OSTM1: variants seen among roughly 807,000 people sequenced by gnomAD.
OSTM1 encodes the protein osteoclastogenesis associated transmembrane protein 1, also known as osteopetrosis-associated transmembrane protein 1.
OSTM1 carries 26 observed loss-of-function variants against 35.4 expected under a neutral mutation model. The observed-to-expected ratio is 0.73, with a 90% CI of 0.54 to 1.02. The LOEUF (loss-of-function observed/expected upper bound fraction) is 1.02. OSTM1 is among the 50% of genes least tolerant of loss of function. OSTM1 has a pLI of 0.00. For synonymous variants in OSTM1, 181 were observed against 165.0 expected, an observed-to-expected ratio of 1.10 and a Z score of -0.75; for missense variants, 366 against 409.6, an observed-to-expected ratio of 0.89 and a Z score of 0.92.
At position 108,048,011 on chromosome 6, in the gene OSTM1, T is replaced by C. The variant is rs1174972998; in HGVS notation, c.949+1242A>G. On this transcript the variant is annotated intron_variant, in intron 5 of 5. Coordinates refer to ENST00000193322, the MANE Select transcript of OSTM1 (RefSeq NM_014028.4). Reference sequence around the variant, plus strand: ...TAAGTGCTTTAAGGACCTGAGCTACTGCATATTTACAGAATGCTGGCAGCC... The same window carrying C: ...TAAGTGCTTTAAGGACCTGAGCTACCGCATATTTACAGAATGCTGGCAGCC... Among the ~76,000 whole-genome samples, 3 of 152,220 alleles carry C rather than the reference T, an allele frequency of 2.0e-5. No homozygotes were observed. In the East Asian group the frequency reaches 5.8e-4, roughly 29 times the overall value.
In OSTM1 at chr6:108,074,706, C is replaced by G; in HGVS notation, c.-55G>C. 1 of 1,448,984 alleles carries G rather than the reference C, an allele frequency of 6.9e-7. No individual in the cohort carries two copies. Among genetic ancestry groups the G allele is most frequent in the Non-Finnish European group, 9.0e-7 (1 of 1,108,438 alleles). The allele number at this position is 1,448,984 out of a possible 1,614,324, so 89.8% of individuals were successfully genotyped here. A position where few individuals can be genotyped will look rare whatever the true frequency, so the allele number is the denominator to read the frequency against. On this transcript the variant is annotated 5_prime_UTR_variant, in exon 1 of 6. Coordinates refer to ENST00000193322, the MANE Select transcript of OSTM1 (RefSeq NM_014028.4). ...CCGCCGCCTCTCCGCCCCCAGCCGG[C>G]ACCGCGGACAGCCGCCGCTTCCGGT...
chr6:108,064,049 T>C lies in OSTM1; in HGVS notation c.517+136A>G, dbSNP rs112000441. On this transcript the variant is annotated intron_variant, in intron 2 of 5. Coordinates refer to ENST00000193322, the MANE Select transcript of OSTM1 (RefSeq NM_014028.4). ...CTCAGTTGCCATTAATAAACCATGG[T>C]GTCCATGACAGTTTATTTAAACTTA... 1.3e-5 allele frequency: 8 copies of C among 639,080 alleles called. No homozygotes were observed. In the African/African-American group the frequency reaches 1.5e-4, roughly 12 times the overall value. 39.6% of individuals were successfully genotyped at this position (639,080 alleles called of 1,614,324 possible). A position where few individuals can be genotyped will look rare whatever the true frequency, so the allele number is the denominator to read the frequency against.
rs758128374 is a variant in OSTM1, at chr6:108,054,556, T to A, written c.549A>T (p.Ser183=). 4.5e-6 allele frequency: 7 copies of A among 1,572,044 alleles called. No individual in the cohort carries two copies. The highest frequency in any genetic ancestry group is 6.1e-6 in the Non-Finnish European group (7 of 1,144,250). Residue 183 remains serine, a synonymous_variant, in exon 3 of 6, where the codon TCA becomes TCT. Transcript: ENST00000193322. ...NCLTNNSEEL[S]NSTVYFLNLF... ...GATTAAGGAAATATACTGTGCTGTT[T>A]GATAATTCTTCACTGTTGTTTGTTA...
chr6:108,059,285 A>G (rs769367707), intron 2 of OSTM1, among the ~76,000 whole-genome samples: 26 of 152,226 alleles, frequency 1.7e-4, no homozygotes, highest in Non-Finnish European at 3.7e-4. Flanking sequence ...TTTGGCAGTC[A>G]TTCTCCATCA....
chr6:108,052,201 G>A (rs550606494), intron 3 of OSTM1, among the ~76,000 whole-genome samples: 3 of 152,216 alleles, frequency 2.0e-5, no homozygotes, highest in South Asian at 2.1e-4. Context: ...TTGGGAGGCC[G>A]AGGTGGGCGG....
At chr6:108,074,060 G>A (rs1409724751) in intron 1 of OSTM1, among the ~76,000 whole-genome samples, 190 bp downstream of exon 1, 2 of 151,992 alleles carry the variant, frequency 1.3e-5, no homozygotes, top group Non-Finnish European at 2.9e-5. Context: ...CAGCATTCTT[G>A]GAAGCAAAAA....
At chr6:108,052,338 C>T (rs1772090447) in intron 3 of OSTM1, among the ~76,000 whole-genome samples, 1 of 151,126 alleles carries the variant, frequency 6.6e-6, no homozygotes, top group Non-Finnish European at 1.5e-5. Flanking sequence ...GAGGCTGAGG[C>T]AGGAGAATGG....
intron 2 of OSTM1, among the ~76,000 whole-genome samples, chr6:108,060,660 A>G (rs1772257685): frequency 6.6e-6 from 1 of 152,198 alleles, no homozygotes; most frequent in African/African-American, 2.4e-5. Context: ...TGGAGGCTAC[A>G]GTGAGCTGAG....
intron 2 of OSTM1, among the ~76,000 whole-genome samples, 196 bp from the exon 3 acceptor site, chr6:108,054,783 T>C (rs1367513656): frequency 1.3e-5 from 2 of 152,200 alleles, no homozygotes. Context: ...TTCATGAACA[T>C]GTTAAAATAA....
intron 2 of OSTM1, among the ~76,000 whole-genome samples, chr6:108,057,717 T>A (rs1008865295): frequency 1.3e-5 from 2 of 152,210 alleles, no homozygotes; most frequent in African/African-American, 4.8e-5. Context: ...ACATAAAGCA[T>A]AAAGCAGTTC....
chr6:108,059,830 G>T (rs1368770406), intron 2 of OSTM1, among the ~76,000 whole-genome samples: 1 of 152,074 alleles, frequency 6.6e-6, no homozygotes, highest in Non-Finnish European at 1.5e-5. Flanking sequence ...CCACTTTTCT[G>T]CCACATAAAT....
At chr6:108,052,051 G>A (rs718174) in intron 3 of OSTM1, among the ~76,000 whole-genome samples, 62,217 of 151,952 alleles carry the variant, frequency 0.41, 14,367 homozygotes, top group African/African-American at 0.6. Flanking sequence ...CTCACCATCT[G>A]CTTGACAGAA....
rs902921187 is a variant in OSTM1, at chr6:108,074,670, C to A, written c.-19G>T. ...GCTCCATCACCGGGCTCACACACCCCAGGGAGCCCACCGCCGCCTCTCCGC... is the reference window on the plus strand; with the variant it reads ...GCTCCATCACCGGGCTCACACACCCAAGGGAGCCCACCGCCGCCTCTCCGC... On this transcript the variant is annotated 5_prime_UTR_variant, in exon 1 of 6. Coordinates refer to ENST00000193322, the MANE Select transcript of OSTM1 (RefSeq NM_014028.4). 6 of 1,522,498 alleles carry A rather than the reference C, an allele frequency of 3.9e-6. No homozygotes were observed. The highest frequency in any genetic ancestry group is 5.3e-6 in the Non-Finnish European group (6 of 1,141,062). The allele number at this position is 1,522,498 out of a possible 1,614,324, so 94.3% of individuals were successfully genotyped here.
chr6:108,074,272 T>C lies in OSTM1; in HGVS notation c.380A>G (p.Asp127Gly). 5.6e-6 allele frequency: 9 copies of C among 1,612,384 alleles called. No individual in the cohort carries two copies. Among genetic ancestry groups the C allele is most frequent in the Non-Finnish European group, 7.6e-6 (9 of 1,179,944 alleles). Reference sequence around the variant, plus strand: ...CACCCCCGCGGCTCGGCTGATGTTGTCCATCTTGCTGACGACCTGTTGGAA... The same window carrying C: ...CACCCCCGCGGCTCGGCTGATGTTGCCCATCTTGCTGACGACCTGTTGGAA... ...PLFQQVVSKM[D>G]NISRAAGNTS... Residue 127 changes from aspartate (D) to glycine (G), a missense_variant, in exon 1 of 6, where the codon GAC becomes GGC. By Grantham distance (94) the Asp-to-Gly change is moderately conservative (BLOSUM62 -1). This residue lies in a region of OSTM1 where 236 missense variants were observed against 239.3 expected (regional missense o/e 0.99). Transcript: ENST00000193322.
At chr6:108,063,016 C>CT (rs201721804) in intron 2 of OSTM1, among the ~76,000 whole-genome samples, 11,198 of 137,748 alleles carry the variant, frequency 0.081, 768 homozygotes, top group East Asian at 0.24. Flanking sequence ...CTCATTTCTA[C>CT]TTTTTTTTTT....
At chr6:108,052,370 T>C (rs1312966954) in intron 3 of OSTM1, among the ~76,000 whole-genome samples, 2 of 151,398 alleles carry the variant, frequency 1.3e-5, no homozygotes, top group Non-Finnish European at 2.9e-5. Flanking sequence ...GAGGCGGAGC[T>C]TGCAGTGAGC....
At chr6:108,058,044 CT>C (rs761751778) in intron 2 of OSTM1, among the ~76,000 whole-genome samples, 7,638 of 121,464 alleles carry the variant, frequency 0.063, 279 homozygotes, top group African/African-American at 0.15. Flanking sequence ...AAGAGTCAAT[CT>C]TTTTTTTTTT....
intron 3 of OSTM1, among the ~76,000 whole-genome samples, chr6:108,053,429 C>T (rs1316479869): frequency 6.6e-6 from 1 of 152,220 alleles, no homozygotes; most frequent in African/African-American, 2.4e-5. Context: ...ATTTCCCAAC[C>T]TTAATGGAAT....
intron 5 of OSTM1, among the ~76,000 whole-genome samples, chr6:108,045,824 T>A (rs1299249578): frequency 6.6e-6 from 1 of 152,050 alleles, no homozygotes; most frequent in Non-Finnish European, 1.5e-5. Flanking sequence ...TGAGAGTATT[T>A]TATACTGAGT....
Sources: allele counts gnomAD v4.1 joint callset (sites outside exome capture counted in the v4.1 genomes callset), GRCh38; gene constraint gnomAD v4.1.1; regional missense constraint gnomAD v4.1.1; transcripts MANE v1.5; gene names NCBI Gene and HGNC (gene_info 2026-07-23, HGNC 2026-07-21).